The following DTWD2 variants were observed in gnomAD, a reference collection of about 807,000 sequenced individuals.
DTWD2 encodes the protein DTW motif tRNA-uridine aminocarboxypropyltransferase 2, also known as tRNA-uridine aminocarboxypropyltransferase 2.
Under a neutral mutation model 31.8 loss-of-function variants are expected in DTWD2, and 39 were observed. The ratio of observed to expected loss-of-function variants is 1.22; its 90% confidence interval spans 0.95 to 1.60. DTWD2 has a LOEUF of 1.60. Among genes scored for constraint, DTWD2 ranks in the 40% most tolerant of loss-of-function variants. The pLI is 0.00. For missense variants in DTWD2, 515 were observed against 381.5 expected (o/e 1.35, Z -2.92); for synonymous variants, 180 against 142.8 (o/e 1.26, Z -1.86).
intron 4 of DTWD2, among the ~76,000 whole-genome samples, chr5:118,885,407 G>A (rs1023244719): frequency 1.6e-4 from 23 of 139,994 alleles, no homozygotes; most frequent in African/African-American, 4.6e-4. Context: ...AGCCGAGATC[G>A]AGCCACTGCA....
At chr5:118,915,374 ATTT>A (rs199654152) in intron 4 of DTWD2, among the ~76,000 whole-genome samples, 1 of 138,220 alleles carries the variant, frequency 7.2e-6, no homozygotes, top group Admixed American at 7.2e-5. Flanking sequence ...TAATCTTTGA[ATTT>A]TTTTTTTTTT....
intron 5 of DTWD2, among the ~76,000 whole-genome samples, chr5:118,844,937 G>C (rs1233662322): frequency 6.6e-6 from 1 of 152,020 alleles, no homozygotes; most frequent in Non-Finnish European, 1.5e-5. Flanking sequence ...AGGAGTTCAA[G>C]ACCAATCTGG....
At chr5:118,923,236 T>C (rs1382753245) in intron 4 of DTWD2, among the ~76,000 whole-genome samples, 2 of 152,116 alleles carry the variant, frequency 1.3e-5, no homozygotes, top group African/African-American at 4.8e-5. Context: ...GAATATCAGG[T>C]GAGGTTTGAC....
At chr5:118,875,467 GC>G (rs1752599082) in intron 4 of DTWD2, among the ~76,000 whole-genome samples, 1 of 148,260 alleles carries the variant, frequency 6.7e-6, no homozygotes, top group African/African-American at 2.5e-5. Flanking sequence ...CATCTCACAT[GC>G]AGTGATATAC....
chr5:118,876,833 T>G (rs1752631758), intron 4 of DTWD2, among the ~76,000 whole-genome samples: 1 of 152,150 alleles, frequency 6.6e-6, no homozygotes, highest in Admixed American at 6.5e-5. Flanking sequence ...ACTAAAACTA[T>G]TCCAAAAGAT....
chr5:118,967,047 A>C (rs1754868179), intron 1 of DTWD2, among the ~76,000 whole-genome samples: 1 of 151,436 alleles, frequency 6.6e-6, no homozygotes, highest in Non-Finnish European at 1.5e-5. Flanking sequence ...AAAAAAGACA[A>C]TCAGTAACTC....
chr5:118,911,385 T>C (rs972489221), intron 4 of DTWD2, among the ~76,000 whole-genome samples: 1 of 152,172 alleles, frequency 6.6e-6, no homozygotes, highest in African/African-American at 2.4e-5. Context: ...TGGAGAAAAG[T>C]GAATCCTTAT....
chr5:118,837,041 G>C lies in DTWD2; in HGVS notation c.*3876C>G, dbSNP rs559448665. Among the ~76,000 whole-genome samples the C allele has an allele frequency of 6.6e-6, 1 of 152,118 alleles. No individual in the cohort carries two copies. The highest frequency in any genetic ancestry group is 1.9e-4 in the East Asian group (1 of 5,174). ...TGTTAAGACCACTACAGTATCTTTT[G>C]TTTAAAAACATGCTATGTAAGGATG... On this transcript the variant is annotated 3_prime_UTR_variant, in exon 6 of 6. Transcript: ENST00000510708.
At chr5:118,899,486 CCTAA>C (rs1753155638) in intron 4 of DTWD2, among the ~76,000 whole-genome samples, 1 of 152,126 alleles carries the variant, frequency 6.6e-6, no homozygotes, top group South Asian at 2.1e-4. Context: ...CTTTCTAGAA[CCTAA>C]CTATCACAAA....
At chr5:118,959,792 A>G (rs1030016370) in intron 1 of DTWD2, among the ~76,000 whole-genome samples, 2 of 152,204 alleles carry the variant, frequency 1.3e-5, no homozygotes, top group Non-Finnish European at 2.9e-5. Flanking sequence ...GTAAAGCCAC[A>G]TACCTACAAC....
chr5:118,881,268 C>T (rs535636966), intron 4 of DTWD2, among the ~76,000 whole-genome samples: 2 of 152,226 alleles, frequency 1.3e-5, no homozygotes, highest in South Asian at 4.1e-4. Flanking sequence ...GATACCTTTG[C>T]TTTCTGTTTT....
Position 118,836,103 on chromosome 5 carries a change from T to C in DTWD2, c.*4814A>G, listed in dbSNP as rs1225461809. Among the ~76,000 whole-genome samples the C allele has an allele frequency of 1.3e-5, 2 of 152,204 alleles. No homozygotes were observed. Among genetic ancestry groups the C allele is most frequent in the Non-Finnish European group, 2.9e-5 (2 of 68,032 alleles). On this transcript the variant is annotated 3_prime_UTR_variant, in exon 6 of 6. Coordinates refer to ENST00000510708, the MANE Select transcript of DTWD2 (RefSeq NM_173666.4). ...TTTAAAAAATGTTTTAATTCTTTAA[T>C]ATACTTCTAAGTAACAATAACAGTA...
At chr5:118,890,735 T>C (rs1305153704) in intron 4 of DTWD2, among the ~76,000 whole-genome samples, 2 of 151,978 alleles carry the variant, frequency 1.3e-5, no homozygotes, top group African/African-American at 4.8e-5. Flanking sequence ...CACACCCAGG[T>C]AATTTTTGTA....
rs78944933 is a variant in DTWD2, at chr5:118,895,406, GAATT to G, written c.597+33127_597+33130del. On this transcript the variant is annotated intron_variant, in intron 4 of 5. Coordinates refer to ENST00000510708, the MANE Select transcript of DTWD2 (RefSeq NM_173666.4). ...GATATCCCGTGCTCATGGATTGGAA[GAATT>G]AATATTGTCAAAATGACCATACTGC... Among the ~76,000 whole-genome samples, 65 of 152,254 alleles carry G rather than the reference GAATT, an allele frequency of 4.3e-4. No individual in the cohort carries two copies. In the East Asian group the frequency reaches 0.01, roughly 24 times the overall value.
intron 4 of DTWD2, among the ~76,000 whole-genome samples, chr5:118,880,098 A>C (rs1188722329): frequency 1.3e-5 from 2 of 152,218 alleles, no homozygotes; most frequent in Non-Finnish European, 2.9e-5. Context: ...CAGTTAAAAG[A>C]GAGTTTTAAA....
intron 4 of DTWD2, among the ~76,000 whole-genome samples, chr5:118,864,031 C>T (rs1752325956): frequency 1.3e-5 from 2 of 149,982 alleles, no homozygotes; most frequent in South Asian, 4.2e-4. Flanking sequence ...TTGCCATTTC[C>T]TTAGTTGCAC....
At chr5:118,973,646 TCCTTGCTCGCG>T (rs1755047964) in intron 1 of DTWD2, 1 of 769,820 alleles carries the variant, frequency 1.3e-6, no homozygotes, top group Admixed American at 2.5e-5. Context: ...CGCGGCAGCC[TCCTTGCTCGCG>T]GCAGCCTCCT....
chr5:118,940,036 T>C (rs1754145152), intron 2 of DTWD2, among the ~76,000 whole-genome samples: 1 of 152,188 alleles, frequency 6.6e-6, no homozygotes, highest in Non-Finnish European at 1.5e-5. Context: ...TCCTCCCACT[T>C]GAGTGTGGGC....
rs1447959974 is a variant in DTWD2 at position 118,949,893 on chromosome 5, A to C, written c.219-5244T>G. 2.6e-5 allele frequency among the ~76,000 whole-genome samples: 4 copies of C among 152,250 alleles called. No individual in the cohort carries two copies. In the East Asian group the frequency reaches 7.7e-4, roughly 29 times the overall value. ...TAAGGGAACTGGGCACGTGGGGATA[A>C]CTAAAAAGGAGTGCACAAAAGAATA... On this transcript the variant is annotated intron_variant, in intron 1 of 5. Coordinates refer to ENST00000510708, the MANE Select transcript of DTWD2 (RefSeq NM_173666.4).
Sources: gnomAD v4.1 joint callset for allele counts (sites outside exome capture counted in the v4.1 genomes callset) on GRCh38, gnomAD v4.1.1 for gene constraint, MANE v1.5 for transcripts, NCBI Gene and HGNC (gene_info 2026-07-23, HGNC 2026-07-21) for gene names.